Variants in PPP1R9A observed in about 807,000 individuals in gnomAD.
PPP1R9A encodes protein phosphatase 1 regulatory subunit 9A, also known as neurabin-1.
PPP1R9A carries 59 observed loss-of-function variants against 141.9 expected under a neutral mutation model. The ratio of observed to expected loss-of-function variants is 0.42; its 90% CI spans 0.34 to 0.52. PPP1R9A has a LOEUF of 0.52. PPP1R9A is among the 20% of genes least tolerant of loss of function. The probability of loss-of-function intolerance (pLI) is 0.10; values close to 1 mark genes in which losing one functional copy is unlikely to be tolerated. For synonymous variants in PPP1R9A, 500 were observed against 569.7 expected, an observed-to-expected ratio of 0.88 and a Z score of 1.74; for missense variants, 1,444 against 1,611.9, an observed-to-expected ratio of 0.90 and a Z score of 1.78.
rs1235102794 is a variant in PPP1R9A, at chr7:95,161,995, C to T, written c.1754+24C>T. 13 of 1,412,064 alleles carry T rather than the reference C, an allele frequency of 9.2e-6. No homozygotes were observed. The South Asian group carries it at 1.4e-4, about 15-fold the overall frequency. 87.5% of individuals were successfully genotyped at this position (1,412,064 alleles called of 1,614,324 possible). ...AGGTAAATACGTGCCTTCTAATATA[C>T]ACCATGTTGTTACTTTAGTTGAATT... On this transcript the variant is annotated intron_variant, in intron 5 of 19. Coordinates refer to ENST00000433360, the MANE Select transcript of PPP1R9A (RefSeq NM_001166160.2).
rs147350091 is a variant in PPP1R9A, at chr7:94,987,919, C to T, written c.1395+76411C>T. Among the ~76,000 whole-genome samples, 684 of 152,102 alleles carry T rather than the reference C, an allele frequency of 4.5e-3. 3 individuals are homozygous for T. The highest frequency in any genetic ancestry group is 7.3e-3 in the Non-Finnish European group (494 of 67,952). On this transcript the variant is annotated intron_variant, in intron 2 of 19. Coordinates refer to ENST00000433360, the MANE Select transcript of PPP1R9A (RefSeq NM_001166160.2). ...ATTAACTGTCATTTGAAGTACAGTTCTTGTCATGTTTTGCATTGTAAGTCA... is the reference window on the plus strand; with the variant it reads ...ATTAACTGTCATTTGAAGTACAGTTTTTGTCATGTTTTGCATTGTAAGTCA...
intron 8 of PPP1R9A, among the ~76,000 whole-genome samples, chr7:95,238,884 C>CGTGCATTCT (rs1370033364): frequency 6.6e-6 from 1 of 152,086 alleles, no homozygotes; most frequent in Non-Finnish European, 1.5e-5. Context: ...CTCGTTTCAA[C>CGTGCATTCT]GTGCATTCTT....
intron 2 of PPP1R9A, among the ~76,000 whole-genome samples, chr7:94,994,339 A>G (rs1584171320): frequency 6.6e-6 from 1 of 152,222 alleles, no homozygotes; most frequent in Middle Eastern, 3.4e-3. Flanking sequence ...TTATGGACCC[A>G]GGAAGAAAGG....
intron 2 of PPP1R9A, among the ~76,000 whole-genome samples, chr7:95,059,690 G>A (rs79760115): frequency 0.013 from 2,043 of 152,294 alleles, 48 homozygotes; most frequent in African/African-American, 0.047. Flanking sequence ...TGTATGCTGA[G>A]TGTGACTTTG....
chr7:95,232,247 T>TA lies in PPP1R9A; in HGVS notation c.2112+6139dup, dbSNP rs1052080902. 1.9e-3 allele frequency among the ~76,000 whole-genome samples: 294 copies of TA among 151,744 alleles called. 1 individual carries two copies. Among genetic ancestry groups the TA allele is most frequent in the African/African-American group, 6.7e-3 (277 of 41,430 alleles). The stretch of plus-strand genomic sequence containing the variant: ...CAGGCAGAGAGATTGAAATGGTAAT[T>TA]AAAAAAAATTGCCAACAATGAGGAA... On this transcript the variant is annotated intron_variant, in intron 8 of 19. Coordinates refer to ENST00000433360, the MANE Select transcript of PPP1R9A (RefSeq NM_001166160.2).
intron 4 of PPP1R9A, chr7:95,156,268 T>C (rs1829594735): frequency 6.6e-6 from 1 of 152,244 alleles, no homozygotes; most frequent in South Asian, 2.1e-4. Context: ...GCAGGAAGCT[T>C]CCCCAGCTGG....
intron 8 of PPP1R9A, among the ~76,000 whole-genome samples, chr7:95,245,546 T>A (rs942758810): frequency 6.6e-6 from 1 of 152,158 alleles, no homozygotes. Context: ...TAGCCTGGTG[T>A]GTCAGGATTC....
intron 2 of PPP1R9A, among the ~76,000 whole-genome samples, chr7:95,067,627 G>T (rs981673752): frequency 2.0e-5 from 3 of 152,150 alleles, no homozygotes; most frequent in Non-Finnish European, 4.4e-5. Flanking sequence ...TCATCCCTCA[G>T]TGTCTGTGGG....
At chr7:95,132,961 G>A (rs543232798) in intron 4 of PPP1R9A, among the ~76,000 whole-genome samples, 3 of 152,234 alleles carry the variant, frequency 2.0e-5, no homozygotes, top group South Asian at 4.2e-4. Flanking sequence ...GTTACAGATC[G>A]TTTGCTCCTG....
At chr7:95,124,852 C>A (rs1823283776) in intron 4 of PPP1R9A, among the ~76,000 whole-genome samples, 1 of 152,036 alleles carries the variant, frequency 6.6e-6, no homozygotes, top group Admixed American at 6.6e-5. Context: ...CCTGCCCCCA[C>A]AAGAAGCCTT....
rs550391437 is a variant in PPP1R9A, at chr7:95,228,514, ACCTTCTGAAC to A, written c.2112+2399_2112+2408del. Among the ~76,000 whole-genome samples, 1,065 of 152,224 alleles carry A rather than the reference ACCTTCTGAAC, an allele frequency of 7.0e-3. 25 individuals are homozygous for A. The highest frequency in any genetic ancestry group is 0.039 in the Admixed American group (599 of 15,262). ...TATTATCTAAAGAATTTGTGCCTTT[ACCTTCTGAAC>A]TGCTTATGGCTTCATAGTCTGCTCC... is the stretch of plus-strand genomic sequence containing the variant. On this transcript the variant is annotated intron_variant, in intron 8 of 19. Coordinates refer to ENST00000433360, the MANE Select transcript of PPP1R9A (RefSeq NM_001166160.2).
intron 2 of PPP1R9A, among the ~76,000 whole-genome samples, chr7:94,942,190 C>G (rs1018530057): frequency 5.9e-5 from 9 of 152,070 alleles, no homozygotes; most frequent in African/African-American, 2.2e-4. Context: ...CTTGGCCTGT[C>G]ACTCAGAAGC....
chr7:95,208,578 G>C (rs1181217823), intron 7 of PPP1R9A, among the ~76,000 whole-genome samples: 2 of 151,768 alleles, frequency 1.3e-5, no homozygotes, highest in African/African-American at 4.8e-5. Context: ...CAAAAAATTA[G>C]CCGGGCATGG....
intron 2 of PPP1R9A, among the ~76,000 whole-genome samples, chr7:95,104,798 G>A (rs1214354811): frequency 6.6e-6 from 1 of 152,182 alleles, no homozygotes; most frequent in Non-Finnish European, 1.5e-5. Context: ...GTTGGTTTTT[G>A]GAATGTTAAT....
chr7:94,915,414 T>C (rs1354502199), intron 2 of PPP1R9A, among the ~76,000 whole-genome samples: 3 of 152,228 alleles, frequency 2.0e-5, no homozygotes, highest in African/African-American at 7.2e-5. Flanking sequence ...AACTTTAATA[T>C]GCATATGAAT....
At chr7:95,011,293 A>C (rs570514099) in intron 2 of PPP1R9A, among the ~76,000 whole-genome samples, 1 of 152,238 alleles carries the variant, frequency 6.6e-6, no homozygotes, top group South Asian at 2.1e-4. Context: ...CATCTGAAAA[A>C]TTTTGGCTTA....
intron 2 of PPP1R9A, among the ~76,000 whole-genome samples, chr7:95,030,788 A>T (rs900997764): frequency 2.2e-4 from 34 of 152,332 alleles, no homozygotes; most frequent in African/African-American, 8.2e-4. Context: ...CTCTTCCTTT[A>T]GAAGGCATAA....
In PPP1R9A at chr7:95,226,282, G is replaced by A. The variant is rs539828362; in HGVS notation, c.2112+166G>A. On this transcript the variant is annotated intron_variant, in intron 8 of 19. Transcript: ENST00000433360. ...TTCAAGTAGAATTTAAGTAGATCTC[G>A]TTCCACGGTCATTGATTTAAACGCT... 2.9e-4 allele frequency among the ~76,000 whole-genome samples: 44 copies of A among 152,202 alleles called. 1 individual carries two copies. In the South Asian group the frequency reaches 5.4e-3, roughly 19 times the overall value.
intron 8 of PPP1R9A, among the ~76,000 whole-genome samples, chr7:95,233,172 T>G (rs922341905): frequency 6.6e-6 from 1 of 152,168 alleles, no homozygotes; most frequent in Non-Finnish European, 1.5e-5. Context: ...ATATACACCA[T>G]GGAATACTAT....
Sources: allele counts gnomAD v4.1 joint callset (sites outside exome capture counted in the v4.1 genomes callset), GRCh38; gene constraint gnomAD v4.1.1; transcripts MANE v1.5; gene names NCBI Gene and HGNC (gene_info 2026-07-23, HGNC 2026-07-21).